Variants in DENND1A observed in about 807,000 individuals in gnomAD.
DENND1A encodes the protein DENN domain containing 1A, also known as DENN domain-containing protein 1A.
DENND1A carries 51 observed loss-of-function variants against 113.7 expected under a neutral mutation model. The observed-to-expected ratio is 0.45, with a 90% CI of 0.36 to 0.57. DENND1A has a LOEUF of 0.57. DENND1A is among the 20% of genes least tolerant of loss of function. The probability of loss-of-function intolerance (pLI) is 0.00; values close to 1 mark genes in which losing one functional copy is unlikely to be tolerated. For missense variants in DENND1A, 1,258 were observed against 1,395.9 expected (o/e 0.90, Z 1.57); for synonymous variants, 565 against 570.8 (o/e 0.99, Z 0.14).
intron 2 of DENND1A, among the ~76,000 whole-genome samples, chr9:123,810,659 G>A (rs919004494): frequency 2.0e-5 from 3 of 150,484 alleles, no homozygotes; most frequent in Non-Finnish European, 4.4e-5. Flanking sequence ...AAGCCACATT[G>A]AAAGCCATCC....
At chr9:123,922,304 C>T (rs1856409828) in intron 1 of DENND1A, among the ~76,000 whole-genome samples, 1 of 152,164 alleles carries the variant, frequency 6.6e-6, no homozygotes, top group Non-Finnish European at 1.5e-5. Flanking sequence ...AAACTATTTA[C>T]ACAGTTCCAC....
At chr9:123,887,990 C>T (rs1849347879) in intron 1 of DENND1A, among the ~76,000 whole-genome samples, 1 of 152,118 alleles carries the variant, frequency 6.6e-6, no homozygotes, top group Non-Finnish European at 1.5e-5. Context: ...TTCACATGCA[C>T]ACATATTTCC....
At chr9:123,433,176 C>T (rs1489661180) in intron 19 of DENND1A, among the ~76,000 whole-genome samples, 1 of 152,214 alleles carries the variant, frequency 6.6e-6, no homozygotes, top group African/African-American at 2.4e-5. Context: ...CAACCTATGA[C>T]GTGGACCCCT....
At chr9:123,808,282 C>T (rs965150187) in intron 2 of DENND1A, among the ~76,000 whole-genome samples, 3 of 151,994 alleles carry the variant, frequency 2.0e-5, no homozygotes, top group African/African-American at 7.2e-5. Context: ...AATCATTATG[C>T]TTACATGGCA....
intron 11 of DENND1A, among the ~76,000 whole-genome samples, chr9:123,588,638 G>T (rs569383619): frequency 3.0e-5 from 4 of 133,292 alleles, no homozygotes; most frequent in South Asian, 2.8e-4. Context: ...AAAAAAGGGG[G>T]GGGGGGAAGA....
chr9:123,384,185 G>A (rs2130889524), intron 22 of DENND1A, among the ~76,000 whole-genome samples: 1 of 152,342 alleles, frequency 6.6e-6, no homozygotes, highest in South Asian at 2.1e-4. Flanking sequence ...CAAACTACAG[G>A]TCCTTTCATA....
intron 16 of DENND1A, 57 bp from the exon 17 acceptor site, chr9:123,452,404 A>G (rs1035630422): frequency 9.7e-6 from 13 of 1,346,798 alleles, no homozygotes; most frequent in South Asian, 2.3e-5. Context: ...TCCAACACCA[A>G]CAAAGACTGC....
intron 2 of DENND1A, among the ~76,000 whole-genome samples, chr9:123,854,022 GA>G (rs1843775759): frequency 6.6e-6 from 1 of 152,134 alleles, no homozygotes; most frequent in South Asian, 2.1e-4. Context: ...AACACCTTTA[GA>G]AAGTCAATCA....
At chr9:123,577,492 G>T (rs1051892031) in intron 12 of DENND1A, among the ~76,000 whole-genome samples, 1 of 151,880 alleles carries the variant, frequency 6.6e-6, no homozygotes, top group South Asian at 2.1e-4. Context: ...CTCTTGTTAG[G>T]GGTGACATTT....
intron 12 of DENND1A, among the ~76,000 whole-genome samples, chr9:123,571,721 A>G (rs2058366678): frequency 6.6e-6 from 1 of 152,236 alleles, no homozygotes; most frequent in African/African-American, 2.4e-5. Flanking sequence ...CATTTCGGTT[A>G]CTTTCAGTTA....
chr9:123,401,505 G>A, intron 21 of DENND1A: 1 of 1,248,252 alleles, frequency 8.0e-7, no homozygotes, highest in Non-Finnish European at 1.0e-6. Context: ...GTCTCCTTGT[G>A]GGCCCGAGCC....
At chr9:123,820,241 A>G (rs904286508) in intron 2 of DENND1A, among the ~76,000 whole-genome samples, 1 of 152,204 alleles carries the variant, frequency 6.6e-6, no homozygotes, top group Admixed American at 6.5e-5. Flanking sequence ...CCATCAAGCC[A>G]TGGAGTCTGT....
intron 12 of DENND1A, among the ~76,000 whole-genome samples, chr9:123,562,142 C>T (rs1360399793): frequency 6.6e-6 from 1 of 152,186 alleles, no homozygotes; most frequent in African/African-American, 2.4e-5. Flanking sequence ...CCGCCCTTCA[C>T]CATCATCACC....
At chr9:123,526,406 C>G (rs2054849380) in intron 13 of DENND1A, among the ~76,000 whole-genome samples, 1 of 152,220 alleles carries the variant, frequency 6.6e-6, no homozygotes, top group Admixed American at 6.5e-5. Context: ...CAGGTGCTCT[C>G]TCATCAGCAT....
At chr9:123,479,117 A>G (rs1480752368) in intron 13 of DENND1A, among the ~76,000 whole-genome samples, 1 of 152,236 alleles carries the variant, frequency 6.6e-6, no homozygotes, top group Admixed American at 6.5e-5. Context: ...GGCATCTACC[A>G]TCTTTTCACA....
rs945620687 is a variant in DENND1A, at chr9:123,870,436, A to AT, written c.88+8514dup. 7.8e-3 allele frequency among the ~76,000 whole-genome samples: 1,065 copies of AT among 136,494 alleles called. 4 individuals carry two copies. Among genetic ancestry groups the AT allele is most frequent in the East Asian group, 0.02 (92 of 4,678 alleles). The allele number at this position is 136,494 out of a possible 152,430, so 89.5% of individuals were successfully genotyped here. A position where few individuals can be genotyped will look rare whatever the true frequency, so the allele number is the denominator to read the frequency against. ...AAGTGCCCGCCACCATGCCCGGCTA[A>AT]TTTTTTTTTTTTTTTTTTTGAGACG... On this transcript the variant is annotated intron_variant, in intron 2 of 23. Coordinates refer to ENST00000394215, the MANE Select transcript of DENND1A (RefSeq NM_001352964.2).
intron 5 of DENND1A, among the ~76,000 whole-genome samples, chr9:123,724,838 C>G (rs2067589103): frequency 6.6e-6 from 1 of 152,214 alleles, no homozygotes; most frequent in African/African-American, 2.4e-5. Context: ...TCCCCAAGTG[C>G]TTTGATAGCT....
rs545489011 is a variant in DENND1A, at chr9:123,422,545, G to A, written c.1489-10716C>T. ...TTTCCTTCCCTCAGAACAAATGGAC[G>A]GAGAACCTGGTTTTAAAATTCCTGG... On this transcript the variant is annotated intron_variant, in intron 19 of 23. Transcript: ENST00000394215. This position sits in a 1 kb window ranked among gnomAD's most constrained non-coding sequence, Gnocchi z 4.8. Among the ~76,000 whole-genome samples the A allele has an allele frequency of 7.9e-5, 12 of 151,846 alleles. No homozygotes were observed. The highest frequency in any genetic ancestry group is 2.0e-4 in the Admixed American group (3 of 15,284).
intron 11 of DENND1A, among the ~76,000 whole-genome samples, chr9:123,596,722 A>G (rs897303084): frequency 6.6e-6 from 1 of 152,228 alleles, no homozygotes; most frequent in African/African-American, 2.4e-5. Context: ...GTGCTGAAAC[A>G]CAGTGGCAAG....
Sources: allele counts gnomAD v4.1 joint callset (sites outside exome capture counted in the v4.1 genomes callset), GRCh38; gene constraint gnomAD v4.1.1; non-coding constraint Gnocchi (gnomAD v3.1); transcripts MANE v1.5; gene names NCBI Gene and HGNC (gene_info 2026-07-23, HGNC 2026-07-21).